GPRIN3: variants seen among roughly 807,000 people sequenced by gnomAD.
GPRIN3 encodes the protein G protein-regulated inducer of neurite outgrowth 3.
In GPRIN3, 12 loss-of-function variants were observed where a neutral mutation model predicts 13.7. The observed-to-expected ratio is 0.87, with a 90% CI of 0.56 to 1.42. The LOEUF (loss-of-function observed/expected upper bound fraction) is 1.42, where lower values mean the gene tolerates loss of function less well. Ranked by LOEUF, GPRIN3 falls within the 40% of genes most tolerant of loss-of-function variation. GPRIN3 has a pLI of 0.00. For missense variants in GPRIN3, 1,009 were observed against 958.7 expected (o/e 1.05, Z -0.69); for synonymous variants, 377 against 372.7 (o/e 1.01, Z -0.13).
At chr4:89,283,394 T>C (rs1043378018) in intron 1 of GPRIN3, among the ~76,000 whole-genome samples, 2 of 152,132 alleles carry the variant, frequency 1.3e-5, no homozygotes, top group African/African-American at 4.8e-5. Context: ...ATTCCAACTT[T>C]TGCAATCAGG....
At position 89,258,998 on chromosome 4, in the gene GPRIN3, G is replaced by A. The variant is rs138731531; in HGVS notation, c.-123-8765C>T. Among the ~76,000 whole-genome samples the A allele has an allele frequency of 5.8e-4, 89 of 152,214 alleles. 1 individual carries two copies. Among genetic ancestry groups the A allele is most frequent in the Admixed American group, 9.8e-4 (15 of 15,288 alleles). ...CGTGAGTTATTATTCTTAAAAATTCGTATTTTGGCATAATTTACCTATGGA... is the reference window on the plus strand; with the variant it reads ...CGTGAGTTATTATTCTTAAAAATTCATATTTTGGCATAATTTACCTATGGA... On this transcript the variant is annotated intron_variant, in intron 1 of 1. Transcript: ENST00000609438.
chr4:89,303,290 T>C (rs1578120717), intron 1 of GPRIN3, among the ~76,000 whole-genome samples: 1 of 152,222 alleles, frequency 6.6e-6, no homozygotes, highest in Non-Finnish European at 1.5e-5. Flanking sequence ...TCACAGCCTG[T>C]CAGTTCCTCA....
Position 89,244,168 on chromosome 4 carries a change from A to G in GPRIN3, c.*3612T>C, listed in dbSNP as rs1723023013. The G allele has an allele frequency of 1.3e-5, 2 of 152,226 alleles. No homozygotes were observed. The highest frequency in any genetic ancestry group is 4.8e-5 in the African/African-American group (2 of 41,470). The allele number at this position is 152,226 out of a possible 1,614,324, so 9.4% of individuals were successfully genotyped here. On this transcript the variant is annotated 3_prime_UTR_variant, in exon 2 of 2. Transcript: ENST00000609438. ...AGGAACAGTGAAACCTCAATATGCT[A>G]GAATACAAACAAATGCTATTTTCCT...
At position 89,248,611 on chromosome 4, in the gene GPRIN3, T is replaced by G; in HGVS notation, c.1500A>C (p.Thr500=). 6.2e-7 allele frequency: 1 copy of G among 1,614,068 alleles called. No homozygotes were observed. The change falls in exon 2 of 2, where the codon ACA becomes ACC. Residue 500 remains threonine, a synonymous_variant. Coordinates refer to ENST00000609438, the MANE Select transcript of GPRIN3 (RefSeq NM_198281.3). ...TRPSEFAEKT[T]NGHKTDPDCK... is the part of the protein sequence containing the mutation. Reference sequence around the variant, plus strand: ...AATCTGGGTCTGTTTTGTGGCCGTTTGTCGTTTTCTCTGCAAACTCAGATG... The same window carrying G: ...AATCTGGGTCTGTTTTGTGGCCGTTGGTCGTTTTCTCTGCAAACTCAGATG...
intron 1 of GPRIN3, among the ~76,000 whole-genome samples, chr4:89,295,220 T>A (rs890262815): frequency 1.3e-5 from 2 of 152,226 alleles, no homozygotes; most frequent in Non-Finnish European, 2.9e-5. Context: ...CATTATGCAC[T>A]TATATTTACA....
intron 1 of GPRIN3, among the ~76,000 whole-genome samples, chr4:89,260,881 A>G (rs1180188465): frequency 6.6e-6 from 1 of 152,230 alleles, no homozygotes; most frequent in Non-Finnish European, 1.5e-5. Context: ...CCATTCATTT[A>G]TTTAATAAGC....
intron 1 of GPRIN3, among the ~76,000 whole-genome samples, chr4:89,274,165 A>G (rs574273564): frequency 1.3e-5 from 2 of 152,368 alleles, no homozygotes; most frequent in African/African-American, 4.8e-5. Context: ...TCTAGCACGT[A>G]CAGCAACACG....
At chr4:89,258,231 A>T (rs1578081163) in intron 1 of GPRIN3, among the ~76,000 whole-genome samples, 2 of 147,908 alleles carry the variant, frequency 1.4e-5, no homozygotes, top group Non-Finnish European at 3.0e-5. Context: ...AAGCCTGAGC[A>T]TTTTTTTTTT....
At chr4:89,304,132 T>C (rs1211740747) in intron 1 of GPRIN3, among the ~76,000 whole-genome samples, 1 of 152,172 alleles carries the variant, frequency 6.6e-6, no homozygotes, top group African/African-American at 2.4e-5. Context: ...CCAGATTAAT[T>C]CAGTCCCCAA....
chr4:89,263,557 C>T (rs1723701119), intron 1 of GPRIN3, among the ~76,000 whole-genome samples: 2 of 152,120 alleles, frequency 1.3e-5, no homozygotes. Context: ...GTCCCTGTTT[C>T]CCCTTCTTCC....
At position 89,244,324 on chromosome 4, in the gene GPRIN3, T is replaced by C. The variant is rs2149248839; in HGVS notation, c.*3456A>G. 1 of 152,280 alleles carries C rather than the reference T, an allele frequency of 6.6e-6. No homozygotes were observed. Among genetic ancestry groups the C allele is most frequent in the Middle Eastern group, 3.4e-3 (1 of 294 alleles). 9.4% of individuals were successfully genotyped at this position (152,280 alleles called of 1,614,324 possible). ...AATTTTTATGTTTAACTTTATAACATGGTGAACACTGGTATTCAAAACAGT... is the reference window on the plus strand; with the variant it reads ...AATTTTTATGTTTAACTTTATAACACGGTGAACACTGGTATTCAAAACAGT... On this transcript the variant is annotated 3_prime_UTR_variant, in exon 2 of 2. Transcript: ENST00000609438.
chr4:89,242,083 C>T lies in GPRIN3; in HGVS notation c.*5697G>A, dbSNP rs1411208599. The T allele has an allele frequency of 6.6e-6, 1 of 152,182 alleles. No homozygotes were observed. The highest frequency in any genetic ancestry group is 2.4e-5 in the African/African-American group (1 of 41,450). 9.4% of individuals were successfully genotyped at this position (152,182 alleles called of 1,614,324 possible). Reference sequence around the variant, plus strand: ...ACATCATTAAATCACTGGGGTATCTCATCATAATTATCACCATGCAGGTTG... The same window carrying T: ...ACATCATTAAATCACTGGGGTATCTTATCATAATTATCACCATGCAGGTTG... On this transcript the variant is annotated 3_prime_UTR_variant, in exon 2 of 2. Coordinates refer to ENST00000609438, the MANE Select transcript of GPRIN3 (RefSeq NM_198281.3).
chr4:89,247,853 A>G lies in GPRIN3; in HGVS notation c.2258T>C (p.Phe753Ser). ...KKLRGRQHSV[F>S]QSMLQNFRRP... ...TCGGAAGTTCTGCAGCATGGACTGG[A>G]AAACACTGTGCTGCCTTCCTCTGAG... Residue 753 changes from phenylalanine to serine, a missense_variant, in exon 2 of 2, where the codon TTC becomes TCC. By Grantham distance (155) the Phe-to-Ser change is radical. Transcript: ENST00000609438. 1.2e-6 allele frequency: 2 copies of G among 1,614,186 alleles called. No homozygotes were observed. The highest frequency in any genetic ancestry group is 2.7e-5 in the African/African-American group (2 of 75,050).
rs1367248035 is a variant in GPRIN3 at position 89,244,701 on chromosome 4, T to G, written c.*3079A>C. On this transcript the variant is annotated 3_prime_UTR_variant, in exon 2 of 2. Transcript: ENST00000609438. ...AAAACAGAACAATCAATCTTTAAAT[T>G]AAAAATTTTAGTATTCACTTGTTAA... 6.6e-6 allele frequency: 1 copy of G among 152,224 alleles called. No individual in the cohort carries two copies. Among genetic ancestry groups the G allele is most frequent in the African/African-American group, 2.4e-5 (1 of 41,464 alleles). 9.4% of individuals were successfully genotyped at this position (152,224 alleles called of 1,614,324 possible). A position where few individuals can be genotyped will look rare whatever the true frequency, so the allele number is the denominator to read the frequency against.
intron 1 of GPRIN3, among the ~76,000 whole-genome samples, chr4:89,294,797 A>T (rs886084537): frequency 6.6e-6 from 1 of 152,234 alleles, no homozygotes; most frequent in Admixed American, 6.5e-5. Context: ...ATTACTGGCA[A>T]GCATAAAACA....
intron 1 of GPRIN3, among the ~76,000 whole-genome samples, chr4:89,307,298 C>CAA (rs1561242497): frequency 6.7e-6 from 1 of 150,154 alleles, no homozygotes; most frequent in Non-Finnish European, 1.5e-5. Context: ...CACACACACA[C>CAA]CCCTCATATT....
At chr4:89,286,709 T>C (rs1724425600) in intron 1 of GPRIN3, among the ~76,000 whole-genome samples, 5 of 152,234 alleles carry the variant, frequency 3.3e-5, no homozygotes, top group Admixed American at 2.0e-4. Context: ...ATATTTTCTT[T>C]CTCCCATTAC....
intron 1 of GPRIN3, among the ~76,000 whole-genome samples, chr4:89,288,967 C>T (rs1180551045): frequency 6.6e-6 from 1 of 152,030 alleles, no homozygotes; most frequent in Non-Finnish European, 1.5e-5. Context: ...GCACTCACGG[C>T]ATCGTTTTCA....
chr4:89,301,090 AG>A (rs1724883849), intron 1 of GPRIN3, among the ~76,000 whole-genome samples: 1 of 152,206 alleles, frequency 6.6e-6, no homozygotes, highest in African/African-American at 2.4e-5. Context: ...GAATTACAAA[AG>A]TTTTGCTGCA....
Sources: allele counts gnomAD v4.1 joint callset (sites outside exome capture counted in the v4.1 genomes callset), GRCh38; gene constraint gnomAD v4.1.1; transcripts MANE v1.5; gene names NCBI Gene and HGNC (gene_info 2026-07-23, HGNC 2026-07-21).